BAIAP2: variants seen among roughly 807,000 people sequenced by gnomAD.
The protein encoded by BAIAP2 is BAR/IMD domain-containing adapter protein 2.
In BAIAP2, 18 loss-of-function variants were observed where a neutral mutation model predicts 63.0. That is an observed-to-expected ratio of 0.29 (90% CI 0.20 to 0.42). BAIAP2 has a LOEUF of 0.42. BAIAP2 is among the 10% of genes least tolerant of loss of function. The pLI is 1.00. For missense variants in BAIAP2, 610 were observed against 734.3 expected (o/e 0.83, Z 1.96); for synonymous variants, 386 against 307.6 (o/e 1.25, Z -2.67).
intron 12 of BAIAP2, 35 bp downstream of exon 12, chr17:81,106,942 C>T: frequency 6.8e-7 from 1 of 1,472,280 alleles, no homozygotes; most frequent in Non-Finnish European, 9.0e-7. Flanking sequence ...GAGGGGCCCG[C>T]AGGTGGAACA....
rs911045331 is a variant in BAIAP2, at chr17:81,036,956, C to T, written c.54+1648C>T. 9 of 1,535,678 alleles carry T rather than the reference C, an allele frequency of 5.9e-6. 1 individual carries two copies. In the Admixed American group the frequency reaches 5.9e-5, roughly 10 times the overall value. On this transcript the variant is annotated intron_variant, in intron 1 of 13. Transcript: ENST00000428708. ...CAGGAACTTTCGTGGTGAGAGTTGG[C>T]AGGGGGTGAGTACATGGAGTGGTTT...
chr17:81,052,345 G>T (rs1430572733), intron 1 of BAIAP2, among the ~76,000 whole-genome samples: 2 of 152,278 alleles, frequency 1.3e-5, no homozygotes, highest in East Asian at 3.8e-4. Flanking sequence ...GGGCTTTGCG[G>T]CTGGGTCGAT....
rs1051899758 is a variant in BAIAP2, at chr17:81,048,958, C to T, written c.55-4710C>T. Among the ~76,000 whole-genome samples, 16 of 152,214 alleles carry T rather than the reference C, an allele frequency of 1.1e-4. No homozygotes were observed. In the South Asian group the frequency reaches 1.2e-3, roughly 12 times the overall value. ...GCGTGTGTGGGAGCCCCTCGTGGGC[C>T]GGACCGCCTTCATGGGCAGGACCCC... On this transcript the variant is annotated intron_variant, in intron 1 of 13. Transcript: ENST00000428708.
chr17:81,092,364 C>T (rs2056919775), intron 6 of BAIAP2, among the ~76,000 whole-genome samples: 1 of 152,232 alleles, frequency 6.6e-6, no homozygotes, highest in Non-Finnish European at 1.5e-5. Context: ...GCCAGGCCTT[C>T]AGCCTGAGCT....
At position 81,055,569 on chromosome 17, in the gene BAIAP2, G is replaced by GGTTTTTTTTTTTTTTTTT. The variant is rs138656369; in HGVS notation, c.130+1826_130+1827insGTTTTTTTTTTTTTTTTT. ...TTCCTCCAGCGAAAGTCTGCAGGGT[G>GGTTTTTTTTTTTTTTTTT]TTTTGTTTTTTTTTGAGACGGAGTC... On this transcript the variant is annotated intron_variant, in intron 2 of 13. Coordinates refer to ENST00000428708, the MANE Select transcript of BAIAP2 (RefSeq NM_001144888.2). Among the ~76,000 whole-genome samples, 32 of 94,036 alleles carry GGTTTTTTTTTTTTTTTTT rather than the reference G, an allele frequency of 3.4e-4. 3 individuals carry two copies. Among genetic ancestry groups the GGTTTTTTTTTTTTTTTTT allele is most frequent in the East Asian group, 1.3e-3 (4 of 2,974 alleles). The allele number at this position is 94,036 out of a possible 152,430, so 61.7% of individuals were successfully genotyped here.
intron 12 of BAIAP2, 86 bp downstream of exon 12, chr17:81,106,993 G>C: frequency 7.1e-7 from 1 of 1,417,704 alleles, no homozygotes; most frequent in Non-Finnish European, 9.3e-7. Flanking sequence ...CCTCCGCTGA[G>C]GGGCGGGGCG....
intron 3 of BAIAP2, among the ~76,000 whole-genome samples, chr17:81,078,903 G>T (rs2054148256): frequency 6.6e-6 from 1 of 152,114 alleles, no homozygotes; most frequent in Admixed American, 6.5e-5. Context: ...AGCTGTGGGG[G>T]TGTCAGGTCT....
chr17:81,091,614 C>T (rs1232023795), intron 6 of BAIAP2, among the ~76,000 whole-genome samples: 1 of 152,212 alleles, frequency 6.6e-6, no homozygotes, highest in African/African-American at 2.4e-5. Context: ...CAGGTGTGCC[C>T]ACACGTCGTT....
At chr17:81,043,348 A>G (rs574122972) in intron 1 of BAIAP2, among the ~76,000 whole-genome samples, 1 of 152,220 alleles carries the variant, frequency 6.6e-6, no homozygotes, top group Admixed American at 6.5e-5. Flanking sequence ...GTCCTCACGC[A>G]GTCCAGGCAT....
intron 3 of BAIAP2, chr17:81,076,228 C>T (rs1056341981): frequency 1.3e-5 from 2 of 152,256 alleles, no homozygotes; most frequent in Non-Finnish European, 2.9e-5. Flanking sequence ...CCATCTGCAG[C>T]TTAACTCATT....
chr17:81,114,122 C>T (rs572512410), intron 13 of BAIAP2, among the ~76,000 whole-genome samples: 1 of 150,114 alleles, frequency 6.7e-6, no homozygotes, highest in South Asian at 2.1e-4. Flanking sequence ...GCACCACTCT[C>T]CCGCACCTGC....
intron 1 of BAIAP2, among the ~76,000 whole-genome samples, chr17:81,043,085 T>G (rs1369710114): frequency 6.6e-6 from 1 of 152,082 alleles, no homozygotes; most frequent in African/African-American, 2.4e-5. Context: ...CAGGCTGGTC[T>G]TTAACACCTG....
intron 1 of BAIAP2, among the ~76,000 whole-genome samples, chr17:81,038,808 C>T (rs1057434431): frequency 4.6e-5 from 7 of 152,206 alleles, no homozygotes; most frequent in African/African-American, 1.7e-4. Context: ...GCAGAGCTCA[C>T]CATCCCCTCC....
chr17:81,093,144 C>A (rs1420338114), intron 6 of BAIAP2, among the ~76,000 whole-genome samples: 1 of 151,166 alleles, frequency 6.6e-6, no homozygotes, highest in East Asian at 2.0e-4. Flanking sequence ...GGCACGAGGA[C>A]CTGAGTGTGA....
intron 1 of BAIAP2, among the ~76,000 whole-genome samples, chr17:81,047,520 G>T (rs1390456644): frequency 6.6e-6 from 1 of 152,126 alleles, no homozygotes; most frequent in African/African-American, 2.4e-5. Context: ...GCACACGCAT[G>T]AGTGCACATG....
At position 81,064,016 on chromosome 17, in the gene BAIAP2, G is replaced by C. The variant is rs2051038687; in HGVS notation, c.217+6049G>C. On this transcript the variant is annotated intron_variant, in intron 3 of 13. Transcript: ENST00000428708. ...TTCAGTGATTTGGTCCTGACACCCG[G>C]CCGAGCAGGGCCCCAGCCTGTCCTC... Among the ~76,000 whole-genome samples, 5 of 152,214 alleles carry C rather than the reference G, an allele frequency of 3.3e-5. No individual in the cohort carries two copies. The South Asian group carries it at 1.0e-3, about 32-fold the overall frequency.
chr17:81,106,092 C>T lies in BAIAP2; in HGVS notation c.1283C>T (p.Pro428Leu). The T allele has an allele frequency of 6.3e-7, 1 of 1,580,196 alleles. No individual in the cohort carries two copies. The highest frequency in any genetic ancestry group is 8.6e-7 in the Non-Finnish European group (1 of 1,162,798). The change falls in exon 11 of 14, where the codon CCC becomes CTC. Residue 428 changes from proline to leucine, a missense_variant. Pro to Leu is a moderately conservative substitution (Grantham distance 98). Around this residue, in one of 5 missense-constraint regions of BAIAP2, gnomAD observed 67 missense variants for 132.0 expected, o/e 0.51. Coordinates refer to ENST00000428708, the MANE Select transcript of BAIAP2 (RefSeq NM_001144888.2). Reference protein sequence around the residue: ...SEKTKMRGWFPFSYTRVLDSD... With the variant: ...SEKTKMRGWFLFSYTRVLDSD... ...CTCTCTTCCAGGCGGGGCTGGTTTC[C>T]CTTCTCCTACACCCGGGTCTTGGAC...
chr17:81,039,643 G>A (rs1007739619), intron 1 of BAIAP2, among the ~76,000 whole-genome samples: 2 of 152,194 alleles, frequency 1.3e-5, no homozygotes, highest in African/African-American at 4.8e-5. Flanking sequence ...TGCTGCCCTG[G>A]GCTTTCAGGG....
intron 3 of BAIAP2, among the ~76,000 whole-genome samples, chr17:81,062,663 A>G (rs1035300170): frequency 9.7e-5 from 13 of 133,978 alleles, no homozygotes; most frequent in African/African-American, 2.5e-4. Flanking sequence ...TACTCCCACC[A>G]TTTGGGGAAT....
Sources: allele counts gnomAD v4.1 joint callset (sites outside exome capture counted in the v4.1 genomes callset), GRCh38; gene constraint gnomAD v4.1.1; regional missense constraint gnomAD v4.1.1; transcripts MANE v1.5; gene names NCBI Gene and HGNC (gene_info 2026-07-23, HGNC 2026-07-21).